The following USHBP1 variants were observed in gnomAD, a reference collection of about 807,000 sequenced individuals.
The protein encoded by USHBP1 is USH1 protein network component harmonin binding protein 1.
A neutral mutation model predicts 76.2 loss-of-function variants in USHBP1; 67 were observed. That is an observed-to-expected ratio of 0.88 (90% CI 0.72 to 1.08). USHBP1 has a LOEUF of 1.08. Among genes scored for constraint, USHBP1 ranks in the 50% least tolerant of loss-of-function variants. The pLI, the probability that USHBP1 is intolerant of heterozygous loss-of-function variation, is 0.00. For synonymous variants in USHBP1, 322 were observed against 362.2 expected (o/e 0.89, Z 1.26); for missense variants, 931 against 915.0 (o/e 1.02, Z -0.23).
chr19:17,260,979 C>CA (rs2073680036), intron 4 of USHBP1, among the ~76,000 whole-genome samples: 1 of 152,208 alleles, frequency 6.6e-6, no homozygotes, highest in Non-Finnish European at 1.5e-5. Flanking sequence ...CACCATCGTG[C>CA]ATGTCTGGAC....
rs774492949 is a variant in USHBP1 at position 17,250,175 on chromosome 19, A to C, written c.*50T>G. ...ACATGATGTCACTCCAGGACAGTTT[A>C]TGACATGCCACAGCTGTCTGGCATG... On this transcript the variant is annotated 3_prime_UTR_variant, in exon 13 of 13. Transcript: ENST00000252597. 5.8e-6 allele frequency: 9 copies of C among 1,549,896 alleles called. No homozygotes were observed. In the Admixed American group the frequency reaches 1.6e-4, roughly 28 times the overall value.
At chr19:17,264,392 A>G in intron 1 of USHBP1, 45 bp from the exon 2 acceptor site, 1 of 1,388,720 alleles carries the variant, frequency 7.2e-7, no homozygotes, top group Middle Eastern at 2.6e-4. Flanking sequence ...GTTGTCCTGG[A>G]CAAAGGACAA....
chr19:17,250,543 T>TTTG (rs748524355), intron 12 of USHBP1, 129 bp from the exon 13 acceptor site: 230 of 1,073,286 alleles, frequency 2.1e-4, no homozygotes, highest in East Asian at 9.2e-4. Flanking sequence ...TAGCTGGTCT[T>TTTG]TTGTTGTTGT....
chr19:17,259,856 T>C, intron 5 of USHBP1, 41 bp downstream of exon 5: 1 of 1,599,500 alleles, frequency 6.3e-7, no homozygotes, highest in South Asian at 1.1e-5. Context: ...CCCTGAAGGC[T>C]AAGGACATCA....
rs773109327 is a variant in USHBP1, at chr19:17,255,474, G to A, written c.1603C>T (p.Arg535Trp). Residue 535 changes from arginine to tryptophan, a missense_variant, in exon 10 of 13, where the codon CGG (arginine) becomes TGG (tryptophan). By Grantham distance (101) the Arg-to-Trp change is moderately radical. Transcript: ENST00000252597. ...VLLLEQLRWE[R>W]AELQAGGANS... ...GCCCCACCAGCCTGGAGCTCTGCCC[G>A]TTCCCACCGCAGCTGCTCCAGCAGG... 6.8e-6 allele frequency: 11 copies of A among 1,613,914 alleles called. No individual in the cohort carries two copies. Among genetic ancestry groups the A allele is most frequent in the South Asian group, 2.2e-5 (2 of 91,084 alleles).
chr19:17,259,374 A>T lies in USHBP1; in HGVS notation c.961T>A (p.Tyr321Asn). Residue 321 changes from tyrosine (Y) to asparagine (N), a missense_variant, in exon 7 of 13, where the codon TAC becomes AAC. Tyr to Asn is a moderately radical substitution (Grantham distance 143, BLOSUM62 -2). Coordinates refer to ENST00000252597, the MANE Select transcript of USHBP1 (RefSeq NM_031941.4). Reference sequence around the variant, plus strand: ...CTGAGGCCTTCACAGCGGCCCTTGTATCCCTGTAGCACAGCTGATAGCAGA... The same window carrying T: ...CTGAGGCCTTCACAGCGGCCCTTGTTTCCCTGTAGCACAGCTGATAGCAGA... ...NRLLSAVLQG[Y>N]KGRCEGLSMQ... is the part of the protein sequence containing the mutation. 6.2e-7 allele frequency: 1 copy of T among 1,614,158 alleles called. No homozygotes were observed. The highest frequency in any genetic ancestry group is 1.1e-5 in the South Asian group (1 of 91,090).
At chr19:17,259,189 T>TG in intron 7 of USHBP1, 100 bp downstream of exon 7, 1 of 1,468,548 alleles carries the variant, frequency 6.8e-7, no homozygotes. Flanking sequence ...ATTTCTGAAG[T>TG]GGGGAAGGTG....
At chr19:17,253,786 C>G (rs973667847) in intron 10 of USHBP1, among the ~76,000 whole-genome samples, 63 of 147,472 alleles carry the variant, frequency 4.3e-4, no homozygotes, top group African/African-American at 1.5e-3. Flanking sequence ...TCCAGCTACT[C>G]GGGAAGCCAA....
Position 17,256,688 on chromosome 19 carries a change from G to C in USHBP1, c.1253C>G (p.Pro418Arg), listed in dbSNP as rs112158497. The C allele has an allele frequency of 1.1e-5, 18 of 1,614,196 alleles. No individual in the cohort carries two copies. The highest frequency in any genetic ancestry group is 2.7e-5 in the African/African-American group (2 of 75,050). ...PEGSSVDKPTPQEVAFQLRSY... is the reference protein window; with the variant it reads ...PEGSSVDKPTRQEVAFQLRSY... ...TCGGAGCTGGAAAGCCACTTCCTGT[G>C]GGGTGGGCTTATCCACACTGCTGCC... Residue 418 changes from proline (P) to arginine (R), a missense_variant, in exon 9 of 13, where the codon CCA (proline) becomes CGA (arginine). Pro to Arg is a moderately radical substitution (Grantham distance 103). Coordinates refer to ENST00000252597, the MANE Select transcript of USHBP1 (RefSeq NM_031941.4).
chr19:17,254,633 G>A (rs2073595735), intron 10 of USHBP1, among the ~76,000 whole-genome samples: 1 of 151,222 alleles, frequency 6.6e-6, no homozygotes, highest in Non-Finnish European at 1.5e-5. Context: ...TCCAGCCTGG[G>A]CAACAAGAGC....
chr19:17,262,643 C>T lies in USHBP1; in HGVS notation c.551G>A (p.Arg184Gln), dbSNP rs769029319. Reference protein sequence around the residue: ...ARLAERNAWLRLALSSREDEL... With the variant: ...ARLAERNAWLQLALSSREDEL... ...ATCCTCTCGGCTACTCAGGGCCAGCCGGAGCCAGGCATTCCTCTCGGCCAG... is the reference window on the plus strand; with the variant it reads ...ATCCTCTCGGCTACTCAGGGCCAGCTGGAGCCAGGCATTCCTCTCGGCCAG... Residue 184 changes from arginine to glutamine, a missense_variant, in exon 4 of 13, where the codon CGG (arginine) becomes CAG (glutamine). Physicochemically the swap from Arg to Gln is conservative, Grantham distance 43 (BLOSUM62 1). Coordinates refer to ENST00000252597, the MANE Select transcript of USHBP1 (RefSeq NM_031941.4). 158 of 1,613,844 alleles carry T rather than the reference C, an allele frequency of 9.8e-5. No individual in the cohort carries two copies. The highest frequency in any genetic ancestry group is 8.2e-4 in the Middle Eastern group (5 of 6,084).
intron 3 of USHBP1, 82 bp downstream of exon 3, chr19:17,263,920 C>A: frequency 7.0e-7 from 1 of 1,433,350 alleles, no homozygotes; most frequent in Non-Finnish European, 9.2e-7. Context: ...GGTGTGTGAG[C>A]AGAGCAGGCA....
Position 17,260,042 on chromosome 19 carries a change from C to T in USHBP1, c.643-20G>A, listed in dbSNP as rs368891220. ...TTGAACCTGGGAAAGATGAGGGGGACGTCAGGCCTAGGGGCTCAAACCAAC... is the reference window on the plus strand; with the variant it reads ...TTGAACCTGGGAAAGATGAGGGGGATGTCAGGCCTAGGGGCTCAAACCAAC... On this transcript the variant is annotated intron_variant, in intron 4 of 12. Transcript: ENST00000252597. The T allele has an allele frequency of 6.8e-6, 11 of 1,608,006 alleles. No homozygotes were observed. The highest frequency in any genetic ancestry group is 2.2e-5 in the East Asian group (1 of 44,726).
rs2073624115 is a variant in USHBP1, at chr19:17,256,690, G to T, written c.1251C>A (p.Thr417=). 5 of 1,614,180 alleles carry T rather than the reference G, an allele frequency of 3.1e-6. No individual in the cohort carries two copies. Among genetic ancestry groups the T allele is most frequent in the Non-Finnish European group, 4.2e-6 (5 of 1,180,040 alleles). ...SPEGSSVDKP[T]PQEVAFQLRS... Reference sequence around the variant, plus strand: ...GGAGCTGGAAAGCCACTTCCTGTGGGGTGGGCTTATCCACACTGCTGCCTT... The same window carrying T: ...GGAGCTGGAAAGCCACTTCCTGTGGTGTGGGCTTATCCACACTGCTGCCTT... Residue 417 remains threonine (T), a synonymous_variant, in exon 9 of 13, where the codon ACC becomes ACA. Coordinates refer to ENST00000252597, the MANE Select transcript of USHBP1 (RefSeq NM_031941.4).
In USHBP1 at chr19:17,264,340, G is replaced by A. The variant is rs773995372; in HGVS notation, c.-41C>T. The A allele has an allele frequency of 5.5e-5, 86 of 1,576,334 alleles. No homozygotes were observed. Among genetic ancestry groups the A allele is most frequent in the South Asian group, 2.1e-4 (18 of 85,660 alleles). ...AGTGCCCTCTGAATGCTTCTCCTTC[G>A]TCAACCCCTAAAACCACAGCCTGCC... On this transcript the variant is annotated 5_prime_UTR_variant, in exon 2 of 13. The change creates a new upstream start codon in the 5' untranslated region. Coordinates refer to ENST00000252597, the MANE Select transcript of USHBP1 (RefSeq NM_031941.4).
chr19:17,257,957 C>T (rs1412280413), intron 8 of USHBP1, among the ~76,000 whole-genome samples: 1 of 152,166 alleles, frequency 6.6e-6, no homozygotes, highest in Non-Finnish European at 1.5e-5. Context: ...CTGTGGGTGC[C>T]AGTTTTAACC....
At chr19:17,256,006 AAAC>A (rs2073614855) in intron 9 of USHBP1, among the ~76,000 whole-genome samples, 2 of 18,526 alleles carry the variant, frequency 1.1e-4, no homozygotes, top group African/African-American at 1.4e-3. Context: ...CCGTCTCAAA[AAAC>A]AAACAAACAA....
In USHBP1 at chr19:17,259,925, T is replaced by C; in HGVS notation, c.740A>G (p.Glu247Gly). The C allele has an allele frequency of 6.2e-7, 1 of 1,614,040 alleles. No homozygotes were observed. The highest frequency in any genetic ancestry group is 8.5e-7 in the Non-Finnish European group (1 of 1,179,932). The change falls in exon 5 of 13, where the codon GAG (glutamate) becomes GGG (glycine). Residue 247 changes from glutamate (E) to glycine (G), a missense_variant. Physicochemically the swap from Glu to Gly is moderately conservative, Grantham distance 98. Transcript: ENST00000252597. ...GGSGSGSSSS[E>G]ADREPWETQD... ...AGTCTCCCAGGGTTCCCTGTCTGCC[T>C]CAGAGCTGCTAGAACCACTGCCTGA... is the stretch of plus-strand genomic sequence containing the variant.
intron 8 of USHBP1, 57 bp downstream of exon 8, chr19:17,258,155 C>G: frequency 6.2e-7 from 1 of 1,605,014 alleles, no homozygotes; most frequent in Non-Finnish European, 8.5e-7. Flanking sequence ...GAGCCCCATC[C>G]CCCAGTCAAG....
Sources: allele counts gnomAD v4.1 joint callset (sites outside exome capture counted in the v4.1 genomes callset), GRCh38; gene constraint gnomAD v4.1.1; transcripts MANE v1.5; gene names NCBI Gene and HGNC (gene_info 2026-07-23, HGNC 2026-07-21).